The following DIAPH2 variants were observed in gnomAD, a reference collection of about 807,000 sequenced individuals.
The protein encoded by DIAPH2 is protein diaphanous homolog 2.
Under a neutral mutation model 92.7 loss-of-function variants are expected in DIAPH2, and 35 were observed. The observed-to-expected ratio is 0.38, with a 90% CI of 0.29 to 0.50. The LOEUF is 0.50. Among genes scored for constraint, DIAPH2 ranks in the 20% least tolerant of loss-of-function variants. The pLI is 0.94. For missense variants in DIAPH2, 701 were observed against 819.5 expected, an observed-to-expected ratio of 0.86 and a Z score of 1.77; for synonymous variants, 301 against 280.4, an observed-to-expected ratio of 1.07 and a Z score of -0.73.
intron 22 of DIAPH2, among the ~76,000 whole-genome samples, chrX:97,188,196 A>G (rs1336524096): frequency 8.9e-6 from 1 of 112,265 alleles, no homozygotes; most frequent in Admixed American, 9.5e-5. Flanking sequence ...AAAGGAGGAT[A>G]ACCAAAATCT....
chrX:97,519,064 GAGTTGGCTATAC>G (rs2070971898), intron 26 of DIAPH2, among the ~76,000 whole-genome samples: 1 of 111,822 alleles, frequency 8.9e-6, no homozygotes, highest in Admixed American at 9.5e-5. Flanking sequence ...GTATAATTGA[GAGTTGGCTATAC>G]ATTGTTTGAT....
intron 24 of DIAPH2, among the ~76,000 whole-genome samples, chrX:97,371,753 G>C (rs1375207386): frequency 1.8e-5 from 2 of 111,527 alleles, no homozygotes; most frequent in Non-Finnish European, 3.8e-5. Context: ...CTTCTAAGAT[G>C]GTGACAGTAT....
chrX:96,762,929 TG>T (rs762489263), intron 4 of DIAPH2, among the ~76,000 whole-genome samples: 1 of 111,418 alleles, frequency 9.0e-6, no homozygotes, highest in Non-Finnish European at 1.9e-5. Flanking sequence ...AAATTAATAT[TG>T]ATGTATCTAT....
At chrX:97,380,017 T>A (rs139359357) in intron 24 of DIAPH2, among the ~76,000 whole-genome samples, 1,407 of 111,256 alleles carry the variant, frequency 0.013, 21 homozygotes, top group African/African-American at 0.044. Flanking sequence ...TAGGTCTTAT[T>A]TAGTGATTAT....
At chrX:97,300,149 AATC>A (rs1415573027) in intron 23 of DIAPH2, among the ~76,000 whole-genome samples, 1 of 112,342 alleles carries the variant, frequency 8.9e-6, no homozygotes, top group Non-Finnish European at 1.9e-5. Context: ...TTTGTAGAGA[AATC>A]ATATTTTGCT....
intron 22 of DIAPH2, among the ~76,000 whole-genome samples, chrX:97,197,495 T>C (rs971223289): frequency 2.7e-5 from 3 of 112,381 alleles, no homozygotes; most frequent in Admixed American, 9.4e-5. Flanking sequence ...CTTCATCTCA[T>C]ATAAGGTAGA....
chrX:97,323,683 C>T (rs2068924332), intron 23 of DIAPH2, among the ~76,000 whole-genome samples: 1 of 105,281 alleles, frequency 9.5e-6, no homozygotes, highest in South Asian at 4.5e-4. Flanking sequence ...GTGGGCGGAT[C>T]ACCTGAGGTC....
intron 22 of DIAPH2, among the ~76,000 whole-genome samples, chrX:97,247,010 T>G (rs894923097): frequency 3.6e-5 from 4 of 112,167 alleles, no homozygotes; most frequent in African/African-American, 1.3e-4. Flanking sequence ...AAAATGTGCA[T>G]GTATTTAGGA....
chrX:96,899,505 C>T (rs1162618517), intron 5 of DIAPH2, among the ~76,000 whole-genome samples: 1 of 111,009 alleles, frequency 9.0e-6, no homozygotes, highest in Non-Finnish European at 1.9e-5. Context: ...AATGGGAGTT[C>T]ACTCATGATT....
chrX:97,443,472 A>G (rs888740265), intron 26 of DIAPH2, among the ~76,000 whole-genome samples: 2 of 111,842 alleles, frequency 1.8e-5, no homozygotes, highest in Non-Finnish European at 3.8e-5. Flanking sequence ...TGCTTGTTGA[A>G]TACTTCACAA....
At chrX:97,022,515 G>C (rs1162145222) in intron 17 of DIAPH2, among the ~76,000 whole-genome samples, 1 of 111,604 alleles carries the variant, frequency 9.0e-6, no homozygotes, top group East Asian at 2.8e-4. Flanking sequence ...TACATTGTTA[G>C]CTTTTTCTCT....
At chrX:97,351,782 G>A (rs1242112757) in intron 24 of DIAPH2, among the ~76,000 whole-genome samples, 8 of 110,740 alleles carry the variant, frequency 7.2e-5, no homozygotes, top group South Asian at 3.8e-4. Flanking sequence ...CAGCCTGGGC[G>A]ACAGAGAGAG....
intron 26 of DIAPH2, among the ~76,000 whole-genome samples, chrX:97,597,381 G>A (rs957048028): frequency 3.6e-5 from 4 of 112,264 alleles, no homozygotes; most frequent in African/African-American, 1.3e-4. Context: ...GTTGCAGGTT[G>A]ATGTGAAGCC....
intron 3 of DIAPH2, among the ~76,000 whole-genome samples, chrX:96,742,525 C>G (rs1249870884): frequency 1.8e-5 from 2 of 111,757 alleles, no homozygotes. Context: ...TTATAAGATC[C>G]TATATGTTTT....
intron 17 of DIAPH2, among the ~76,000 whole-genome samples, chrX:97,007,632 T>C (rs2066191929): frequency 9.0e-6 from 1 of 110,863 alleles, no homozygotes; most frequent in African/African-American, 3.3e-5. Context: ...GTTAAATGTC[T>C]TGAGGTAATC....
At chrX:97,249,177 C>T (rs1389058408) in intron 23 of DIAPH2, among the ~76,000 whole-genome samples, 3 of 110,829 alleles carry the variant, frequency 2.7e-5, no homozygotes, top group Non-Finnish European at 5.7e-5. Flanking sequence ...TCCTTATCCC[C>T]TTTTTCTTTT....
intron 23 of DIAPH2, among the ~76,000 whole-genome samples, chrX:97,266,466 C>A (rs188773137): frequency 7.2e-5 from 8 of 111,869 alleles, no homozygotes; most frequent in Non-Finnish European, 1.3e-4. Context: ...CAGTGACTGT[C>A]ATCATCCTTA....
intron 26 of DIAPH2, among the ~76,000 whole-genome samples, chrX:97,584,507 T>A (rs779201077): frequency 1.8e-5 from 2 of 112,521 alleles, no homozygotes; most frequent in African/African-American, 3.2e-5. Context: ...GAGCTTCAGA[T>A]CCACTTATAC....
At chrX:97,216,954 C>T (rs928563499) in intron 22 of DIAPH2, among the ~76,000 whole-genome samples, 5 of 111,840 alleles carry the variant, frequency 4.5e-5, no homozygotes, top group Non-Finnish European at 9.4e-5. Context: ...ACAGAAACTT[C>T]TGCCATACCT....
Sources: gnomAD v4.1 joint callset for allele counts (sites outside exome capture counted in the v4.1 genomes callset) on GRCh38, gnomAD v4.1.1 for gene constraint, MANE v1.5 for transcripts, NCBI Gene and HGNC (gene_info 2026-07-23, HGNC 2026-07-21) for gene names.